Variants in EXOC4 observed in about 807,000 individuals in gnomAD.
The protein encoded by EXOC4 is SEC8-like 1.
Under a neutral mutation model 107.2 loss-of-function variants are expected in EXOC4, and 71 were observed. The ratio of observed to expected loss-of-function variants is 0.66; its 90% CI spans 0.55 to 0.81. The LOEUF is 0.81. Among genes scored for constraint, EXOC4 ranks in the 30% least tolerant of loss-of-function variants. The pLI is 0.00. For missense variants in EXOC4, 1,108 were observed against 1,189.6 expected (o/e 0.93, Z 1.01); for synonymous variants, 456 against 441.2 (o/e 1.03, Z -0.42).
At chr7:133,355,863 TTTTAA>T (rs1291958781) in intron 5 of EXOC4, among the ~76,000 whole-genome samples, 1 of 152,178 alleles carries the variant, frequency 6.6e-6, no homozygotes, top group Non-Finnish European at 1.5e-5. Context: ...TTTATTATAA[TTTTAA>T]TTTATTTATC....
At chr7:133,569,356 A>G (rs1466001282) in intron 9 of EXOC4, among the ~76,000 whole-genome samples, 2 of 152,212 alleles carry the variant, frequency 1.3e-5, no homozygotes, top group Admixed American at 6.5e-5. Flanking sequence ...AATACGTTAG[A>G]TATGCCCAAA....
chr7:133,929,044 T>C (rs1355762063), intron 13 of EXOC4, among the ~76,000 whole-genome samples: 1 of 148,088 alleles, frequency 6.8e-6, no homozygotes, highest in Non-Finnish European at 1.5e-5. Context: ...GCGATTCTTC[T>C]GCCTCAGTCT....
At chr7:133,469,501 A>C (rs1465122622) in intron 7 of EXOC4, among the ~76,000 whole-genome samples, 1 of 152,210 alleles carries the variant, frequency 6.6e-6, no homozygotes, top group Admixed American at 6.5e-5. Flanking sequence ...TGTGCAAACC[A>C]CTACTCCTGT....
At chr7:133,538,724 G>A (rs796174229) in intron 9 of EXOC4, among the ~76,000 whole-genome samples, 11 of 152,118 alleles carry the variant, frequency 7.2e-5, no homozygotes, top group African/African-American at 1.7e-4. Flanking sequence ...CTAGATAGCC[G>A]GGAGGCTGAG....
At chr7:133,936,955 C>T (rs747330247) in intron 13 of EXOC4, among the ~76,000 whole-genome samples, 6 of 152,188 alleles carry the variant, frequency 3.9e-5, no homozygotes, top group Non-Finnish European at 8.8e-5. Flanking sequence ...GCCACTGCGC[C>T]CGGCCTTCAG....
chr7:134,058,180 G>A (rs1240331923), intron 17 of EXOC4, among the ~76,000 whole-genome samples: 1 of 152,136 alleles, frequency 6.6e-6, no homozygotes, highest in African/African-American at 2.4e-5. Context: ...TCAAAATGCT[G>A]TAGATATTGG....
intron 14 of EXOC4, among the ~76,000 whole-genome samples, chr7:133,958,646 C>T (rs1235587404): frequency 6.6e-6 from 1 of 152,104 alleles, no homozygotes; most frequent in Non-Finnish European, 1.5e-5. Flanking sequence ...AGAGAATTGG[C>T]ATAGCTACTG....
intron 11 of EXOC4, among the ~76,000 whole-genome samples, chr7:133,828,331 C>T (rs918559008): frequency 6.6e-5 from 10 of 151,836 alleles, no homozygotes; most frequent in Non-Finnish European, 1.5e-4. Context: ...AAGCCTGGCT[C>T]GACAGCCCAA....
At chr7:133,473,527 T>C (rs1034226931) in intron 7 of EXOC4, among the ~76,000 whole-genome samples, 1 of 152,184 alleles carries the variant, frequency 6.6e-6, no homozygotes, top group Non-Finnish European at 1.5e-5. Context: ...TAATGACCTT[T>C]TTTGTCTTTT....
chr7:133,456,967 C>T (rs1798476756), intron 7 of EXOC4, among the ~76,000 whole-genome samples: 1 of 152,214 alleles, frequency 6.6e-6, no homozygotes. Flanking sequence ...TGGAAGACCA[C>T]TGAAGAACAC....
At chr7:133,978,581 G>C (rs757143264) in intron 14 of EXOC4, among the ~76,000 whole-genome samples, 1 of 152,210 alleles carries the variant, frequency 6.6e-6, no homozygotes, top group African/African-American at 2.4e-5. Flanking sequence ...TAGGGAATAC[G>C]ATGTTTTAGA....
chr7:133,392,008 C>T (rs1024782390), intron 7 of EXOC4, among the ~76,000 whole-genome samples: 1 of 152,146 alleles, frequency 6.6e-6, no homozygotes, highest in African/African-American at 2.4e-5. Flanking sequence ...GTAGTATAGG[C>T]AAGCACAACA....
chr7:133,280,290 A>ATTTTGTTATGTTACCAATG (rs1477774702), intron 2 of EXOC4, among the ~76,000 whole-genome samples: 1 of 152,202 alleles, frequency 6.6e-6, no homozygotes, highest in African/African-American at 2.4e-5. Context: ...ATGAGATGTT[A>ATTTTGTTATGTTACCAATG]TTGCATTGGT....
chr7:133,418,365 T>G (rs1295522131), intron 7 of EXOC4, among the ~76,000 whole-genome samples: 1 of 152,206 alleles, frequency 6.6e-6, no homozygotes, highest in Non-Finnish European at 1.5e-5. Context: ...TTACTGAGGT[T>G]GTACATTGGT....
chr7:133,516,034 G>A lies in EXOC4; in HGVS notation c.1417+35896G>A, dbSNP rs555048110. ...TCTGCGAATTGAACCATTGCTCAAT[G>A]GCAGTGCTTTAAAATACTGGAAGAC... On this transcript the variant is annotated intron_variant, in intron 9 of 17. Transcript: ENST00000253861. Among the ~76,000 whole-genome samples, 12 of 152,234 alleles carry A rather than the reference G, an allele frequency of 7.9e-5. No homozygotes were observed. In the East Asian group the frequency reaches 2.3e-3, roughly 29 times the overall value.
intron 11 of EXOC4, among the ~76,000 whole-genome samples, chr7:133,821,761 T>G (rs1797526983): frequency 6.6e-6 from 1 of 152,080 alleles, no homozygotes; most frequent in Admixed American, 6.5e-5. Context: ...TTTCAATAGA[T>G]AGATAGAAAA....
At chr7:133,903,765 A>G (rs376660727) in intron 12 of EXOC4, among the ~76,000 whole-genome samples, 5 of 152,238 alleles carry the variant, frequency 3.3e-5, no homozygotes, top group African/African-American at 1.2e-4. Context: ...ATGGGACTAG[A>G]TGAAATCTTC....
chr7:133,506,601 G>C (rs1321926468), intron 9 of EXOC4, among the ~76,000 whole-genome samples: 1 of 151,776 alleles, frequency 6.6e-6, no homozygotes, highest in African/African-American at 2.4e-5. Flanking sequence ...TGAATCATTG[G>C]GTAAAAAGAT....
At chr7:133,408,593 G>T (rs1304459453) in intron 7 of EXOC4, among the ~76,000 whole-genome samples, 2 of 151,998 alleles carry the variant, frequency 1.3e-5, no homozygotes, top group Non-Finnish European at 2.9e-5. Flanking sequence ...GTGTTATGGT[G>T]GTGGCAGCTG....
Sources: allele counts gnomAD v4.1 joint callset (sites outside exome capture counted in the v4.1 genomes callset), GRCh38; gene constraint gnomAD v4.1.1; transcripts MANE v1.5; gene names NCBI Gene and HGNC (gene_info 2026-07-23, HGNC 2026-07-21).